Variants in ST13 observed in about 807,000 individuals in gnomAD.
The protein encoded by ST13 is hsc70-interacting protein.
In ST13, 23 loss-of-function variants were observed where a neutral mutation model predicts 56.7. The ratio of observed to expected loss-of-function variants is 0.41; its 90% confidence interval spans 0.29 to 0.57. ST13 has a LOEUF of 0.57. ST13 is among the 20% of genes least tolerant of loss of function. ST13 has a pLI of 0.36. For missense variants in ST13, 369 were observed against 459.9 expected, an observed-to-expected ratio of 0.80 and a Z score of 1.81; for synonymous variants, 132 against 142.4, an observed-to-expected ratio of 0.93 and a Z score of 0.52.
Position 40,825,962 on chromosome 22 carries a change from CT to C in ST13, c.*575del, listed in dbSNP as rs1430390717. On this transcript the variant is annotated 3_prime_UTR_variant, in exon 12 of 12. Transcript: ENST00000216218. ...TATATCAAACACAGCAAGATTGCTG[CT>C]GCCCTGCCAAGTACTTCCAATCCCT... 6.5e-6 allele frequency: 1 copy of C among 152,712 alleles called. No homozygotes were observed. The highest frequency in any genetic ancestry group is 6.5e-5 in the Admixed American group (1 of 15,294). 9.5% of individuals were successfully genotyped at this position (152,712 alleles called of 1,614,324 possible).
chr22:40,826,739 T>A, intron 11 of ST13, 73 bp from the exon 12 acceptor site: 1 of 1,541,920 alleles, frequency 6.5e-7, no homozygotes, highest in Non-Finnish European at 8.8e-7. Context: ...CTAAATTCCA[T>A]CTCTTATTTA....
intron 1 of ST13, among the ~76,000 whole-genome samples, chr22:40,852,761 T>C (rs551758208): frequency 7.2e-5 from 11 of 152,310 alleles, no homozygotes; most frequent in South Asian, 2.1e-4. Flanking sequence ...GGAACAGGCA[T>C]ATAGACACCA....
In ST13 at chr22:40,850,896, A is replaced by G. The variant is rs189017918; in HGVS notation, c.111-16T>C. On this transcript the variant is annotated splice_polypyrimidine_tract_variant and intron_variant, in intron 1 of 11. Coordinates refer to ENST00000216218, the MANE Select transcript of ST13 (RefSeq NM_003932.5). Reference sequence around the variant, plus strand: ...ACCACCCATGCTTGAAGAAGATGAGAAAAAAGATATTTGTTTAGAAAATTA... The same window carrying G: ...ACCACCCATGCTTGAAGAAGATGAGGAAAAAGATATTTGTTTAGAAAATTA... 33 of 1,577,194 alleles carry G rather than the reference A, an allele frequency of 2.1e-5. No homozygotes were observed. Among genetic ancestry groups the G allele is most frequent in the African/African-American group, 6.9e-5 (5 of 72,952 alleles).
chr22:40,842,328 C>T (rs1160712916), intron 4 of ST13, among the ~76,000 whole-genome samples: 1 of 152,106 alleles, frequency 6.6e-6, no homozygotes, highest in African/African-American at 2.4e-5. Flanking sequence ...ATAAAGTAAA[C>T]AAGGTACCTT....
chr22:40,846,142 G>A (rs550604657), intron 3 of ST13, among the ~76,000 whole-genome samples: 1 of 152,070 alleles, frequency 6.6e-6, no homozygotes, highest in Non-Finnish European at 1.5e-5. Flanking sequence ...CTCCATGTTA[G>A]TCAGGCTGGT....
intron 3 of ST13, among the ~76,000 whole-genome samples, chr22:40,845,165 T>C (rs1003780451): frequency 3.3e-5 from 5 of 152,234 alleles, no homozygotes; most frequent in Non-Finnish European, 5.9e-5. Flanking sequence ...GTATTACACA[T>C]AAATACACCA....
intron 3 of ST13, 145 bp downstream of exon 3, chr22:40,848,149 C>A: frequency 1.7e-6 from 1 of 585,712 alleles, no homozygotes; most frequent in South Asian, 2.3e-5. Flanking sequence ...CTTTTACTTT[C>A]TAAAATGTGA....
chr22:40,830,161 T>C (rs966847079), intron 9 of ST13, among the ~76,000 whole-genome samples: 1 of 152,210 alleles, frequency 6.6e-6, no homozygotes, highest in Non-Finnish European at 1.5e-5. Flanking sequence ...ATTGAGGAGA[T>C]ATATTGCTTT....
At chr22:40,837,579 G>A (rs1023550897) in intron 5 of ST13, among the ~76,000 whole-genome samples, 3 of 152,210 alleles carry the variant, frequency 2.0e-5, no homozygotes, top group Non-Finnish European at 4.4e-5. Flanking sequence ...CCGGGAGGCG[G>A]AGGTTGCGGT....
At chr22:40,835,718 T>C (rs749488813) in intron 6 of ST13, 48 bp from the exon 7 acceptor site, 1 of 1,601,738 alleles carries the variant, frequency 6.2e-7, no homozygotes, top group South Asian at 1.1e-5. Flanking sequence ...AGTAAAAGTT[T>C]TGGGATCAAC....
chr22:40,826,984 G>T, intron 11 of ST13, 112 bp downstream of exon 11: 1 of 1,214,676 alleles, frequency 8.2e-7, no homozygotes, highest in Non-Finnish European at 1.1e-6. Context: ...TTAGCTATTT[G>T]GTAACTGTGA....
At chr22:40,849,912 CAA>C (rs11455161) in intron 2 of ST13, among the ~76,000 whole-genome samples, 1 of 139,716 alleles carries the variant, frequency 7.2e-6, no homozygotes. Context: ...AGAAAATTTG[CAA>C]AAAAAAAAAA....
intron 3 of ST13, among the ~76,000 whole-genome samples, chr22:40,847,852 G>C (rs1326857860): frequency 6.6e-6 from 1 of 152,060 alleles, no homozygotes; most frequent in Non-Finnish European, 1.5e-5. Flanking sequence ...TTCGAGGCCA[G>C]CCTTGCCAAC....
intron 3 of ST13, among the ~76,000 whole-genome samples, chr22:40,847,450 G>A (rs1472242298): frequency 3.3e-5 from 5 of 151,678 alleles, no homozygotes; most frequent in African/African-American, 4.8e-5. Context: ...TAGGGAGGCT[G>A]AGGCATGAGA....
chr22:40,833,885 A>G (rs1296839950), intron 7 of ST13, among the ~76,000 whole-genome samples: 1 of 152,050 alleles, frequency 6.6e-6, no homozygotes, highest in Non-Finnish European at 1.5e-5. Flanking sequence ...AACAAAACAA[A>G]ACACTGTGTA....
At chr22:40,848,163 C>T (rs2057842160) in intron 3 of ST13, 131 bp downstream of exon 3, 1 of 630,706 alleles carries the variant, frequency 1.6e-6, no homozygotes, top group Non-Finnish European at 2.8e-6. Flanking sequence ...AATGTGACTA[C>T]TAGAACATTC....
chr22:40,856,328 G>T, intron 1 of ST13, 103 bp downstream of exon 1: 2 of 1,002,896 alleles, frequency 2.0e-6, no homozygotes, highest in African/African-American at 1.6e-5. Flanking sequence ...CAAAGAAGGG[G>T]CAGCGACCCC....
In ST13 at chr22:40,856,558, C is replaced by T. The variant is rs1265143071; in HGVS notation, c.-18G>A. 8 of 1,603,778 alleles carry T rather than the reference C, an allele frequency of 5.0e-6. No individual in the cohort carries two copies. The highest frequency in any genetic ancestry group is 3.3e-5 in the Admixed American group (2 of 60,004). On this transcript the variant is annotated 5_prime_UTR_variant, in exon 1 of 12. Coordinates refer to ENST00000216218, the MANE Select transcript of ST13 (RefSeq NM_003932.5). Reference sequence around the variant, plus strand: ...GGGTCCATGGTAGGGAGGTGGTGGGCGAAACTGGGGGGGCTACGGCCCGGT... The same window carrying T: ...GGGTCCATGGTAGGGAGGTGGTGGGTGAAACTGGGGGGGCTACGGCCCGGT...
chr22:40,835,931 A>C, intron 5 of ST13, 44 bp from the exon 6 acceptor site: 1 of 1,437,974 alleles, frequency 7.0e-7, no homozygotes, highest in Non-Finnish European at 9.6e-7. Flanking sequence ...AGAGGATAAA[A>C]ATATTAATAA....
Sources: allele counts gnomAD v4.1 joint callset (sites outside exome capture counted in the v4.1 genomes callset), GRCh38; gene constraint gnomAD v4.1.1; transcripts MANE v1.5; gene names NCBI Gene and HGNC (gene_info 2026-07-23, HGNC 2026-07-21).